PLEKHH2: variants seen among roughly 807,000 people sequenced by gnomAD.
PLEKHH2 encodes pleckstrin homology domain-containing family H member 2.
Under a neutral mutation model 187.9 loss-of-function variants are expected in PLEKHH2, and 129 were observed. That is an observed-to-expected ratio of 0.69 (90% CI 0.59 to 0.79). PLEKHH2 has a LOEUF of 0.79. PLEKHH2 is among the 30% of genes least tolerant of loss of function. PLEKHH2 has a pLI of 0.00. For missense variants in PLEKHH2, 2,076 were observed against 1,751.2 expected (o/e 1.19, Z -3.31); for synonymous variants, 686 against 605.6 (o/e 1.13, Z -1.95).
chr2:43,647,090 G>T, intron 2 of PLEKHH2, among the ~76,000 whole-genome samples: 1 of 151,818 alleles, frequency 6.6e-6, no homozygotes, highest in Admixed American at 6.6e-5. Context: ...AATATTTATT[G>T]ATTTATTATG....
chr2:43,682,862 A>T (rs1668275602), intron 3 of PLEKHH2, among the ~76,000 whole-genome samples: 1 of 152,048 alleles, frequency 6.6e-6, no homozygotes, highest in Non-Finnish European at 1.5e-5. Flanking sequence ...CATTTAGCAG[A>T]ATGTTTTTGA....
At chr2:43,681,775 C>T (rs1668204523) in intron 3 of PLEKHH2, among the ~76,000 whole-genome samples, 1 of 152,166 alleles carries the variant, frequency 6.6e-6, no homozygotes, top group Non-Finnish European at 1.5e-5. Flanking sequence ...ACTCTGGACC[C>T]TCTCCCCACC....
intron 22 of PLEKHH2, 107 bp from the exon 23 acceptor site, chr2:43,743,725 AAT>A (rs1398583452): frequency 9.4e-7 from 1 of 1,059,720 alleles, no homozygotes; most frequent in Non-Finnish European, 1.3e-6. Flanking sequence ...CACCTAGAAA[AAT>A]ATGTTATCAT....
chr2:43,659,189 TG>T (rs1271667852), intron 2 of PLEKHH2, among the ~76,000 whole-genome samples: 1 of 150,808 alleles, frequency 6.6e-6, no homozygotes, highest in Non-Finnish European at 1.5e-5. Context: ...GCGAGGTTTT[TG>T]TCATGTTGCC....
chr2:43,686,858 A>G (rs1311846517), intron 3 of PLEKHH2, among the ~76,000 whole-genome samples: 1 of 152,188 alleles, frequency 6.6e-6, no homozygotes, highest in Non-Finnish European at 1.5e-5. Context: ...TTATAAACAT[A>G]TGGCCTTCCC....
intron 3 of PLEKHH2, among the ~76,000 whole-genome samples, chr2:43,689,407 T>G (rs919685340): frequency 6.6e-6 from 1 of 152,232 alleles, no homozygotes; most frequent in Non-Finnish European, 1.5e-5. Flanking sequence ...TAACAAGCAA[T>G]TTGAATTCAC....
intron 15 of PLEKHH2, among the ~76,000 whole-genome samples, chr2:43,716,226 G>A (rs1670202569): frequency 6.6e-6 from 1 of 152,086 alleles, no homozygotes; most frequent in South Asian, 2.1e-4. Context: ...AAGGGAGGAG[G>A]GGGATTAAAG....
chr2:43,725,585 G>C (rs574794745), intron 16 of PLEKHH2, among the ~76,000 whole-genome samples: 1 of 152,182 alleles, frequency 6.6e-6, no homozygotes, highest in Non-Finnish European at 1.5e-5. Context: ...TTCTGCTGGG[G>C]ACTTGCTTTA....
intron 27 of PLEKHH2, among the ~76,000 whole-genome samples, chr2:43,760,332 T>G (rs966338010): frequency 1.3e-5 from 2 of 150,516 alleles, no homozygotes; most frequent in Admixed American, 6.6e-5. Flanking sequence ...TGTGGTAAAA[T>G]ACACATAATG....
chr2:43,741,457 T>C (rs1040581076), intron 21 of PLEKHH2: 2 of 153,986 alleles, frequency 1.3e-5, no homozygotes, highest in Non-Finnish European at 2.9e-5. Context: ...TGTATGTATT[T>C]GAATTACTTC....
chr2:43,718,785 G>A (rs544881046), intron 15 of PLEKHH2, among the ~76,000 whole-genome samples: 5 of 152,132 alleles, frequency 3.3e-5, no homozygotes, highest in African/African-American at 2.4e-5. Flanking sequence ...CCCACACAGC[G>A]CTATTTAAAG....
intron 19 of PLEKHH2, among the ~76,000 whole-genome samples, chr2:43,732,344 C>G (rs1033022612): frequency 6.6e-6 from 1 of 151,708 alleles, no homozygotes; most frequent in Non-Finnish European, 1.5e-5. Context: ...GCCTGGGCAA[C>G]AAGAGTGAAA....
intron 2 of PLEKHH2, among the ~76,000 whole-genome samples, chr2:43,646,689 T>A (rs1486502018): frequency 6.6e-6 from 1 of 152,140 alleles, no homozygotes; most frequent in African/African-American, 2.4e-5. Context: ...ATAAGTAAAA[T>A]AGCTTTTTTA....
intron 15 of PLEKHH2, among the ~76,000 whole-genome samples, chr2:43,718,835 A>T (rs1311901354): frequency 6.6e-6 from 1 of 152,216 alleles, no homozygotes; most frequent in Admixed American, 6.5e-5. Context: ...TCTAAATTTA[A>T]TTAAATTGAA....
intron 15 of PLEKHH2, among the ~76,000 whole-genome samples, chr2:43,718,311 G>A (rs989190787): frequency 6.6e-6 from 1 of 151,982 alleles, no homozygotes; most frequent in South Asian, 2.1e-4. Context: ...AGGCCGAGGC[G>A]GGCAGATCAC....
intron 2 of PLEKHH2, among the ~76,000 whole-genome samples, chr2:43,646,480 T>C (rs963954326): frequency 6.6e-6 from 1 of 152,192 alleles, no homozygotes; most frequent in African/African-American, 2.4e-5. Context: ...CCTGCTTTTC[T>C]TGACTTCTGT....
intron 25 of PLEKHH2, among the ~76,000 whole-genome samples, chr2:43,754,195 C>G (rs1182351565): frequency 7.8e-6 from 1 of 127,430 alleles, no homozygotes; most frequent in Non-Finnish European, 1.6e-5. Context: ...CACACACACA[C>G]ACACACACAC....
chr2:43,743,394 T>C (rs1183312848), intron 22 of PLEKHH2, among the ~76,000 whole-genome samples: 1 of 152,220 alleles, frequency 6.6e-6, no homozygotes, highest in Non-Finnish European at 1.5e-5. Flanking sequence ...TGTAGCCATA[T>C]GCCTTTTATC....
chr2:43,668,000 C>A (rs1167210588), intron 2 of PLEKHH2, among the ~76,000 whole-genome samples: 2 of 152,142 alleles, frequency 1.3e-5, no homozygotes, highest in African/African-American at 4.8e-5. Context: ...ACTGCCTGCT[C>A]TTTAACAACA....
Sources: gnomAD v4.1 joint callset for allele counts (sites outside exome capture counted in the v4.1 genomes callset) on GRCh38, gnomAD v4.1.1 for gene constraint, MANE v1.5 for transcripts, NCBI Gene and HGNC (gene_info 2026-07-23, HGNC 2026-07-21) for gene names.